Variants in RAD51B observed in about 807,000 individuals in gnomAD.
RAD51B encodes RAD51 paralog B.
In RAD51B, 38 loss-of-function variants were observed where a neutral mutation model predicts 42.2. That is an observed-to-expected ratio of 0.90 (90% CI 0.70 to 1.18). The LOEUF is 1.18. Among genes scored for constraint, RAD51B ranks in the 50% most tolerant of loss-of-function variants. The pLI is 0.00. For synonymous variants in RAD51B, 154 were observed against 145.2 expected (o/e 1.06, Z -0.43); for missense variants, 373 against 400.7 (o/e 0.93, Z 0.59).
chr14:68,340,860 A>G (rs1338207326), intron 8 of RAD51B, among the ~76,000 whole-genome samples: 7 of 152,228 alleles, frequency 4.6e-5, no homozygotes, highest in Admixed American at 3.3e-4. Flanking sequence ...ATATGAAAGC[A>G]ATGGAGAACA....
chr14:68,340,916 C>G (rs968395674), intron 8 of RAD51B, among the ~76,000 whole-genome samples: 1 of 152,206 alleles, frequency 6.6e-6, no homozygotes, highest in Non-Finnish European at 1.5e-5. Flanking sequence ...TCACTTGTCC[C>G]ATTTCATCCT....
intron 4 of RAD51B, among the ~76,000 whole-genome samples, chr14:67,854,490 TG>T (rs916108867): frequency 1.3e-5 from 2 of 149,262 alleles, no homozygotes; most frequent in African/African-American, 2.5e-5. Context: ...AAAAATTAGC[TG>T]GGTGTGGTGG....
chr14:68,681,466 G>A (rs553216748), intron 11 of RAD51B, among the ~76,000 whole-genome samples: 12 of 152,328 alleles, frequency 7.9e-5, no homozygotes, highest in South Asian at 4.1e-4. Flanking sequence ...TAAACTGTGC[G>A]TCCAGTGTTC....
intron 7 of RAD51B, among the ~76,000 whole-genome samples, chr14:67,945,906 C>T (rs377201937): frequency 6.6e-6 from 1 of 152,212 alleles, no homozygotes; most frequent in Non-Finnish European, 1.5e-5. Flanking sequence ...ACAAATTTCT[C>T]AGTGAGTTTC....
At chr14:68,533,778 C>T (rs547607391) in intron 10 of RAD51B, among the ~76,000 whole-genome samples, 1 of 152,156 alleles carries the variant, frequency 6.6e-6, no homozygotes, top group African/African-American at 2.4e-5. Flanking sequence ...TTGAGGACTG[C>T]AGTCATAGAT....
intron 11 of RAD51B, among the ~76,000 whole-genome samples, chr14:68,661,144 G>A (rs144025928): frequency 9.8e-5 from 15 of 152,328 alleles, no homozygotes; most frequent in African/African-American, 3.4e-4. Flanking sequence ...TTTCACACAA[G>A]GGCCCTTGAG....
intron 4 of RAD51B, among the ~76,000 whole-genome samples, chr14:67,855,350 C>T (rs965777655): frequency 6.6e-6 from 1 of 151,844 alleles, no homozygotes; most frequent in Non-Finnish European, 1.5e-5. Flanking sequence ...CCTGCCTCAG[C>T]CTCCCCAGCA....
At chr14:67,946,333 C>T (rs2045390135) in intron 7 of RAD51B, among the ~76,000 whole-genome samples, 2 of 151,800 alleles carry the variant, frequency 1.3e-5, no homozygotes, top group African/African-American at 4.8e-5. Context: ...AAATTTCATC[C>T]CTGGTTAAAA....
At chr14:67,922,414 G>C (rs2044355245) in intron 7 of RAD51B, among the ~76,000 whole-genome samples, 1 of 152,126 alleles carries the variant, frequency 6.6e-6, no homozygotes, top group Non-Finnish European at 1.5e-5. Context: ...GTAAGTTTAG[G>C]AAATATTATT....
At chr14:68,089,615 G>A (rs977064092) in intron 7 of RAD51B, among the ~76,000 whole-genome samples, 10 of 152,122 alleles carry the variant, frequency 6.6e-5, no homozygotes, top group African/African-American at 2.4e-4. Context: ...ATCTGCCTGG[G>A]CCTCTCAAAT....
At chr14:68,608,404 G>A (rs1566953737) in intron 10 of RAD51B, among the ~76,000 whole-genome samples, 1 of 152,176 alleles carries the variant, frequency 6.6e-6, no homozygotes, top group African/African-American at 2.4e-5. Context: ...CCCTGGCTTG[G>A]GAGCACGCAG....
chr14:68,427,260 C>T (rs2084874576), intron 9 of RAD51B, among the ~76,000 whole-genome samples: 1 of 152,220 alleles, frequency 6.6e-6, no homozygotes, highest in African/African-American at 2.4e-5. Context: ...GTCCCCTCTA[C>T]ACCTAGTATA....
At chr14:68,303,494 C>T (rs181461313) in intron 8 of RAD51B, among the ~76,000 whole-genome samples, 17 of 149,748 alleles carry the variant, frequency 1.1e-4, no homozygotes, top group Admixed American at 4.6e-4. Context: ...AAAAGAAATA[C>T]GGAAGTGACG....
intron 5 of RAD51B, among the ~76,000 whole-genome samples, chr14:67,884,712 T>C (rs2043011814): frequency 6.6e-6 from 1 of 152,206 alleles, no homozygotes; most frequent in Admixed American, 6.5e-5. Context: ...ATTCTCACTC[T>C]TCACACCTCT....
At chr14:68,018,627 A>G (rs1481009804) in intron 7 of RAD51B, among the ~76,000 whole-genome samples, 1 of 152,200 alleles carries the variant, frequency 6.6e-6, no homozygotes, top group Non-Finnish European at 1.5e-5. Flanking sequence ...CTACCTTGTT[A>G]AACCATTAAT....
At chr14:68,499,792 G>A (rs780143964) in intron 10 of RAD51B, among the ~76,000 whole-genome samples, 6 of 152,298 alleles carry the variant, frequency 3.9e-5, no homozygotes, top group South Asian at 2.1e-4. Context: ...TGGAAGAGGC[G>A]AGGAAGAGGT....
At chr14:68,502,371 C>T (rs148987590) in intron 10 of RAD51B, among the ~76,000 whole-genome samples, 200 of 152,256 alleles carry the variant, frequency 1.3e-3, no homozygotes, top group African/African-American at 4.4e-3. Context: ...GGGAGGGGGG[C>T]GCACAGCTGC....
chr14:68,412,447 G>C (rs1163043783), intron 9 of RAD51B, among the ~76,000 whole-genome samples: 1 of 152,206 alleles, frequency 6.6e-6, no homozygotes, highest in Non-Finnish European at 1.5e-5. Flanking sequence ...ATCCTTTCTG[G>C]AGAAAATGGC....
At chr14:67,967,960 T>A (rs2074817900) in intron 7 of RAD51B, among the ~76,000 whole-genome samples, 1 of 152,196 alleles carries the variant, frequency 6.6e-6, no homozygotes, top group Non-Finnish European at 1.5e-5. Context: ...GCAGCAAACT[T>A]TTGCCTGGGC....
Sources: gnomAD v4.1 joint callset for allele counts (sites outside exome capture counted in the v4.1 genomes callset) on GRCh38, gnomAD v4.1.1 for gene constraint, MANE v1.5 for transcripts, NCBI Gene and HGNC (gene_info 2026-07-23, HGNC 2026-07-21) for gene names.